The following FN1 variants were observed in gnomAD, a reference collection of about 807,000 sequenced individuals.
FN1 encodes the protein fibronectin.
In FN1, 106 loss-of-function variants were observed where a neutral mutation model predicts 297.3. That is an observed-to-expected ratio of 0.36 (90% CI 0.30 to 0.42). The LOEUF (loss-of-function observed/expected upper bound fraction) is 0.42. Ranked by LOEUF, FN1 falls within the 10% of genes least tolerant of loss-of-function variation. The pLI is 1.00. For synonymous variants in FN1, 1,149 were observed against 1,152.6 expected (o/e 1.00, Z 0.06); for missense variants, 2,690 against 3,124.9 (o/e 0.86, Z 3.32).
intron 44 of FN1, chr2:215,362,546 G>C (rs1421370497): frequency 5.7e-6 from 1 of 175,596 alleles, no homozygotes; most frequent in African/African-American, 2.4e-5. Context: ...TCACACAGTG[G>C]ACCACTGGTG....
rs1340984841 is a variant in FN1 at position 215,391,773 on chromosome 2, G to C, written c.4111C>G (p.Pro1371Ala). Residue 1371 changes from proline to alanine, a missense_variant, in exon 26 of 46, where the codon CCA (proline) becomes GCA (alanine). Pro to Ala is a conservative substitution (Grantham distance 27). This residue lies in a region of FN1 where 1,743 missense variants were observed against 1,945.2 expected (regional missense o/e 0.90). Transcript: ENST00000354785. ...PTDLRFTNIG[P>A]DTMRVTWAPP... is the part of the protein sequence containing the mutation. ...GCCCAGGTGACACGCATGGTGTCTG[G>C]ACCAATGTTGGTGAATCGCAGGTCA... is the stretch of plus-strand genomic sequence containing the variant. The C allele has an allele frequency of 2.5e-6, 4 of 1,614,004 alleles. No individual in the cohort carries two copies. The African/African-American group carries it at 4.0e-5, about 16-fold the overall frequency.
At position 215,369,656 on chromosome 2, in the gene FN1, T is replaced by G. The variant is rs147638452; in HGVS notation, c.6853+638A>C. On this transcript the variant is annotated intron_variant, in intron 41 of 45. Coordinates refer to ENST00000354785, the MANE Select transcript of FN1 (RefSeq NM_212482.4). ...GAGCAGCCAGGTGGCACGCTATTGA[T>G]TTAAAAGGATTTCCCAGGTGCTACA... is the stretch of plus-strand genomic sequence containing the variant. Among the ~76,000 whole-genome samples the G allele has an allele frequency of 3.2e-3, 482 of 152,250 alleles. 2 individuals carry two copies. Among genetic ancestry groups the G allele is most frequent in the African/African-American group, 0.01 (429 of 41,534 alleles).
intron 19 of FN1, among the ~76,000 whole-genome samples, chr2:215,405,665 C>G (rs576727141): frequency 6.4e-4 from 98 of 152,236 alleles, no homozygotes; most frequent in African/African-American, 2.2e-3. Flanking sequence ...ATTGCTTGAA[C>G]CCAGGTGGTA....
At chr2:215,368,210 C>T (rs2055057343) in intron 41 of FN1, among the ~76,000 whole-genome samples, 183 bp from the exon 42 acceptor site, 1 of 152,220 alleles carries the variant, frequency 6.6e-6, no homozygotes, top group Non-Finnish European at 1.5e-5. Context: ...TTAGATGTGA[C>T]ACCTGTCACA....
At position 215,399,353 on chromosome 2, in the gene FN1, T is replaced by G. The variant is rs1239011099; in HGVS notation, c.3254-2A>C. ...GTGGAATAGAGCTCCCAGGCTGCAC[T>G]GTGAGAGAGAATCAATGCACATATT... On this transcript the variant is annotated splice_acceptor_variant, in intron 20 of 45. Coordinates refer to ENST00000354785, the MANE Select transcript of FN1 (RefSeq NM_212482.4). LOFTEE classifies it high-confidence loss of function. The G allele has an allele frequency of 6.2e-7, 1 of 1,604,600 alleles. No homozygotes were observed. Among genetic ancestry groups the G allele is most frequent in the African/African-American group, 1.3e-5 (1 of 74,740 alleles).
chr2:215,381,897 G>C, intron 32 of FN1: 1 of 370,342 alleles, frequency 2.7e-6, no homozygotes, highest in Non-Finnish European at 5.2e-6. Flanking sequence ...TTACCATCCA[G>C]TTGTAGAAAA....
intron 32 of FN1, chr2:215,381,640 A>T (rs1475522956): frequency 4.9e-6 from 1 of 203,994 alleles, no homozygotes; most frequent in Admixed American, 5.4e-5. Context: ...CGACTGGCTA[A>T]TTTTTGTATT....
At chr2:215,419,706 T>A (rs1294054752) in intron 11 of FN1, among the ~76,000 whole-genome samples, 1 of 152,232 alleles carries the variant, frequency 6.6e-6, no homozygotes, top group Non-Finnish European at 1.5e-5. Context: ...TTTTTACCCA[T>A]ATTAATATAA....
At chr2:215,392,636 G>A in intron 25 of FN1, 1 of 417,008 alleles carries the variant, frequency 2.4e-6, no homozygotes, top group Non-Finnish European at 4.5e-6. Context: ...AAAAATTCTA[G>A]GTCTTCAAAT....
intron 44 of FN1, chr2:215,364,586 A>G (rs2054158574): frequency 4.1e-6 from 2 of 492,898 alleles, no homozygotes; most frequent in Non-Finnish European, 7.4e-6. Context: ...TGATTCTAAC[A>G]TCATATAAAT....
chr2:215,401,133 G>C lies in FN1; in HGVS notation c.3254-1782C>G, dbSNP rs569100071. On this transcript the variant is annotated intron_variant, in intron 20 of 45. Transcript: ENST00000354785. Reference sequence around the variant, plus strand: ...AATCTTATTTTTAAATAAAAGATTTGTTTTGGGTTTTAGCACCAAAAATAA... The same window carrying C: ...AATCTTATTTTTAAATAAAAGATTTCTTTTGGGTTTTAGCACCAAAAATAA... Among the ~76,000 whole-genome samples, 3 of 148,764 alleles carry C rather than the reference G, an allele frequency of 2.0e-5. No individual in the cohort carries two copies. The East Asian group carries it at 5.9e-4, about 29-fold the overall frequency.
At chr2:215,414,671 A>C in intron 13 of FN1, 166 bp downstream of exon 13, 1 of 1,405,378 alleles carries the variant, frequency 7.1e-7, no homozygotes, top group Non-Finnish European at 9.3e-7. Context: ...TCAGTCTACA[A>C]GTCAATTTAA....
chr2:215,373,798 CCACCCGAGTAGCTGGGACTACAGG>C (rs962978277), intron 38 of FN1, among the ~76,000 whole-genome samples: 4 of 151,636 alleles, frequency 2.6e-5, no homozygotes, highest in Admixed American at 2.6e-4. Context: ...CCTGCCTCAG[CCACCCGAGTAGCTGGGACTACAGG>C]CACCCATCAC....
chr2:215,434,794 T>C lies in FN1; in HGVS notation c.179A>G (p.Gln60Arg), dbSNP rs768797365. The C allele has an allele frequency of 6.2e-7, 1 of 1,613,816 alleles. No individual in the cohort carries two copies. Among genetic ancestry groups the C allele is most frequent in the South Asian group, 1.1e-5 (1 of 91,074 alleles). The change falls in exon 2 of 46, where the codon CAG becomes CGG. Residue 60 changes from glutamine to arginine, a missense_variant. This residue lies in a region of FN1 where 876 missense variants were observed against 1,058.1 expected (regional missense o/e 0.83). Coordinates refer to ENST00000354785, the MANE Select transcript of FN1 (RefSeq NM_212482.4). ...PGCYDNGKHY[Q>R]INQQWERTYL... ...GGTCCGCTCCCACTGTTGATTTATC[T>C]GATAGTGTTTTCCATTGTCATAACA...
chr2:215,426,306 G>A (rs947409433), intron 6 of FN1, among the ~76,000 whole-genome samples: 33 of 151,116 alleles, frequency 2.2e-4, no homozygotes, highest in Admixed American at 2.6e-4. Context: ...CCGCCACCAC[G>A]CCCGGCTAAT....
At chr2:215,381,430 G>C (rs2058196455) in intron 32 of FN1, 1 of 343,282 alleles carries the variant, frequency 2.9e-6, no homozygotes, top group Non-Finnish European at 5.5e-6. Context: ...CCTTGGAAGT[G>C]GTAAAGCTGA....
At chr2:215,402,513 G>A (rs146955898) in intron 20 of FN1, among the ~76,000 whole-genome samples, 61 of 152,296 alleles carry the variant, frequency 4.0e-4, no homozygotes, top group African/African-American at 1.3e-3. Flanking sequence ...CCAGAATTCA[G>A]CTTAGTAAGA....
intron 20 of FN1, among the ~76,000 whole-genome samples, chr2:215,401,351 GAAAA>G (rs1286204604): frequency 6.6e-6 from 1 of 151,560 alleles, no homozygotes; most frequent in Non-Finnish European, 1.5e-5. Context: ...GGAAAGGAAA[GAAAA>G]AGAAAGAAAG....
rs116671379 is a variant in FN1 at position 215,361,656 on chromosome 2, T to C, written c.7363-30A>G. ...TAAAAAGGAAGAAGGAAAAAAAAAT[T>C]AGTGGCAAATACTGTAAAGTGTACA... is the stretch of plus-strand genomic sequence containing the variant. On this transcript the variant is annotated intron_variant, in intron 45 of 45. Transcript: ENST00000354785. 7.8e-4 allele frequency: 1,180 copies of C among 1,508,064 alleles called. 11 individuals carry two copies. In the African/African-American group the frequency reaches 0.015, roughly 19 times the overall value. 93.4% of individuals were successfully genotyped at this position (1,508,064 alleles called of 1,614,324 possible). A position where few individuals can be genotyped will look rare whatever the true frequency, so the allele number is the denominator to read the frequency against.
Sources: gnomAD v4.1 joint callset for allele counts (sites outside exome capture counted in the v4.1 genomes callset) on GRCh38, gnomAD v4.1.1 for gene constraint, gnomAD v4.1.1 regional missense constraint, MANE v1.5 for transcripts, NCBI Gene and HGNC (gene_info 2026-07-23, HGNC 2026-07-21) for gene names.